Variants in ZNF605 observed in about 807,000 individuals in gnomAD.
ZNF605 encodes zinc finger protein 605.
A neutral mutation model predicts 7.9 loss-of-function variants in ZNF605; 9 were observed. That is an observed-to-expected ratio of 1.14 (90% CI 0.68 to 1.98). ZNF605 has a LOEUF of 1.98. Among genes scored for constraint, ZNF605 ranks in the 30% most tolerant of loss-of-function variants. The pLI, the probability that ZNF605 is intolerant of heterozygous loss-of-function variation, is 0.00. For synonymous variants in ZNF605, 255 were observed against 260.1 expected (o/e 0.98, Z 0.19); for missense variants, 673 against 762.4 (o/e 0.88, Z 1.38).
intron 1 of ZNF605, among the ~76,000 whole-genome samples, chr12:132,955,356 T>G (rs910827154): frequency 5.8e-4 from 88 of 152,250 alleles, no homozygotes; most frequent in African/African-American, 2.0e-3. Flanking sequence ...TGGCTCAGGC[T>G]GGGGATGGGC....
intron 1 of ZNF605, among the ~76,000 whole-genome samples, chr12:132,950,196 G>A (rs61951593): frequency 0.15 from 22,636 of 151,998 alleles, 2,159 homozygotes; most frequent in South Asian, 0.25. Flanking sequence ...CCCTTTTTGA[G>A]TGAATGCAGA....
In ZNF605 at chr12:132,945,803, G is replaced by T; in HGVS notation, c.-162-6C>A. ...TTGTTCCAGAGGGCTATTGCCTGTG[G>T]ATGCAGTGGACATTTTATTTTAGAT... On this transcript the variant is annotated splice_polypyrimidine_tract_variant and splice_region_variant and intron_variant, in intron 2 of 4. Coordinates refer to ENST00000360187, the MANE Select transcript of ZNF605 (RefSeq NM_183238.4). 1.1e-6 allele frequency: 1 copy of T among 897,694 alleles called. No homozygotes were observed. The highest frequency in any genetic ancestry group is 1.8e-6 in the Non-Finnish European group (1 of 553,896). The allele number at this position is 897,694 out of a possible 1,614,324, so 55.6% of individuals were successfully genotyped here. A position where few individuals can be genotyped will look rare whatever the true frequency, so the allele number is the denominator to read the frequency against.
At chr12:132,956,007 C>CACCCT (rs1952633003) in intron 1 of ZNF605, among the ~76,000 whole-genome samples, 2 of 150,702 alleles carry the variant, frequency 1.3e-5, no homozygotes, top group South Asian at 4.2e-4. Context: ...GCCCCCACCC[C>CACCCT]ACCCTCTGCC....
In ZNF605 at chr12:132,950,559, G is replaced by A. The variant is rs1436325868; in HGVS notation, c.-285-2289C>T. ...CACACTCAGACACACTAATACACCC[G>A]TACATCACACACAGACGTGCACACA... On this transcript the variant is annotated intron_variant, in intron 1 of 4. Coordinates refer to ENST00000360187, the MANE Select transcript of ZNF605 (RefSeq NM_183238.4). Among the ~76,000 whole-genome samples, 4 of 149,600 alleles carry A rather than the reference G, an allele frequency of 2.7e-5. No individual in the cohort carries two copies. In the South Asian group the frequency reaches 8.5e-4, roughly 32 times the overall value.
intron 1 of ZNF605, among the ~76,000 whole-genome samples, chr12:132,951,514 C>T (rs1054262725): frequency 5.3e-5 from 8 of 151,842 alleles, no homozygotes; most frequent in African/African-American, 1.9e-4. Flanking sequence ...CACGTACACA[C>T]ACACTGATGT....
rs1952251877 is a variant in ZNF605 at position 132,926,755 on chromosome 12, ACTT to A, written c.541_543del (p.Lys181del). 3 of 1,613,712 alleles carry A rather than the reference ACTT, an allele frequency of 1.9e-6. No homozygotes were observed. Among genetic ancestry groups the A allele is most frequent in the African/African-American group, 2.7e-5 (2 of 74,926 alleles). On this transcript the variant is annotated inframe_deletion, in exon 5 of 5. Coordinates refer to ENST00000360187, the MANE Select transcript of ZNF605 (RefSeq NM_183238.4). Reference sequence around the variant, plus strand: ...GTTCTCTGGTGTATAACAAGTTGTGACTTCTTGTTAAAAAATCTGCCACATTCC... The same window carrying A: ...GTTCTCTGGTGTATAACAAGTTGTGACTTGTTAAAAAATCTGCCACATTCC...
At chr12:132,940,227 A>G (rs904451862) in intron 3 of ZNF605, among the ~76,000 whole-genome samples, 17 of 152,308 alleles carry the variant, frequency 1.1e-4, no homozygotes, top group Admixed American at 5.9e-4. Flanking sequence ...GGCCAGGGAT[A>G]AGGGATGCAC....
chr12:132,938,763 G>C (rs557506407), intron 3 of ZNF605, among the ~76,000 whole-genome samples: 1 of 152,242 alleles, frequency 6.6e-6, no homozygotes, highest in Admixed American at 6.5e-5. Context: ...GGAGAGGCAC[G>C]AGCGGGAACC....
chr12:132,926,003 C>T lies in ZNF605; in HGVS notation c.1296G>A (p.Gly432=), dbSNP rs1403752790. The part of the protein sequence containing the change: ...GCIQCGKTFF[G]KSQLLTHHRT... Reference sequence around the variant, plus strand: ...TGTGATGCGTTAGGAGCTGGGACTTCCCAAAGAAGGTTTTCCCACATTGAA... The same window carrying T: ...TGTGATGCGTTAGGAGCTGGGACTTTCCAAAGAAGGTTTTCCCACATTGAA... The change falls in exon 5 of 5, where the codon GGG becomes GGA. Residue 432 remains glycine, a synonymous_variant. Transcript: ENST00000360187. 1.4e-5 allele frequency: 22 copies of T among 1,614,056 alleles called. 1 individual carries two copies. The highest frequency in any genetic ancestry group is 1.7e-5 in the Non-Finnish European group (20 of 1,180,038).
In ZNF605 at chr12:132,922,930, G is replaced by A. The variant is rs1209621062; in HGVS notation, c.*2443C>T. ...ACCTATGAAGAAACCCCAGTCTCTA[G>A]AAGACAGCCTCAGGGGGGAGCAGAG... On this transcript the variant is annotated 3_prime_UTR_variant, in exon 5 of 5. Transcript: ENST00000360187. 1 of 152,298 alleles carries A rather than the reference G, an allele frequency of 6.6e-6. No homozygotes were observed. The highest frequency in any genetic ancestry group is 1.5e-5 in the Non-Finnish European group (1 of 68,140). 9.4% of individuals were successfully genotyped at this position (152,298 alleles called of 1,614,324 possible).
intron 3 of ZNF605, among the ~76,000 whole-genome samples, chr12:132,943,853 G>C (rs550841988): frequency 0.027 from 4,076 of 152,246 alleles, 84 homozygotes; most frequent in Non-Finnish European, 0.045. Context: ...GGGAAAATGA[G>C]GCTGGAGCTT....
intron 3 of ZNF605, among the ~76,000 whole-genome samples, chr12:132,934,725 T>A (rs1214457984): frequency 2.3e-5 from 3 of 128,500 alleles, no homozygotes; most frequent in Admixed American, 7.8e-5. Flanking sequence ...AAAAAAAAGA[T>A]TCCAGGAACC....
Position 132,927,002 on chromosome 12 carries a change from T to G in ZNF605, c.297A>C (p.Glu99Asp). The change falls in exon 5 of 5, where the codon GAA becomes GAC. Residue 99 changes from glutamate to aspartate, a missense_variant. Transcript: ENST00000360187. Reference sequence around the variant, plus strand: ...AATCAAAAGGACATTTCAAACTTTTTTCTCCTGTGCCACATTTATGGGATC... The same window carrying G: ...AATCAAAAGGACATTTCAAACTTTTGTCTCCTGTGCCACATTTATGGGATC... ...GLRSHKCGTG[E>D]KSLKCPFDLL... 7.4e-6 allele frequency: 12 copies of G among 1,611,734 alleles called. No homozygotes were observed. Among genetic ancestry groups the G allele is most frequent in the Middle Eastern group, 1.7e-4 (1 of 6,056 alleles).
intron 4 of ZNF605, chr12:132,932,811 G>A (rs942140917): frequency 3.1e-5 from 48 of 1,533,006 alleles, no homozygotes; most frequent in Middle Eastern, 3.3e-4. Context: ...AAAACCTGTC[G>A]ATTGGAAACA....
At chr12:132,950,897 C>T (rs1040664406) in intron 1 of ZNF605, among the ~76,000 whole-genome samples, 65 of 151,908 alleles carry the variant, frequency 4.3e-4, no homozygotes, top group Admixed American at 5.9e-4. Context: ...TACTCACAGA[C>T]GCACACACAT....
Position 132,926,539 on chromosome 12 carries a change from C to T in ZNF605, c.760G>A (p.Gly254Arg). 6.2e-7 allele frequency: 1 copy of T among 1,614,162 alleles called. No homozygotes were observed. The highest frequency in any genetic ancestry group is 1.3e-5 in the African/African-American group (1 of 75,038). ...QRIHTGEKPYGCSECGKAFSR... is the reference protein window; with the variant it reads ...QRIHTGEKPYRCSECGKAFSR... ...AAGGCTTTTCCACATTCACTGCATCCATACGGCTTCTCTCCAGTATGAATT... is the reference window on the plus strand; with the variant it reads ...AAGGCTTTTCCACATTCACTGCATCTATACGGCTTCTCTCCAGTATGAATT... The change falls in exon 5 of 5, where the codon GGA becomes AGA. Residue 254 changes from glycine (G) to arginine (R), a missense_variant. Gly to Arg is a moderately radical substitution (Grantham distance 125). Transcript: ENST00000360187.
chr12:132,936,184 C>A (rs764958729), intron 3 of ZNF605, among the ~76,000 whole-genome samples: 1 of 149,832 alleles, frequency 6.7e-6, no homozygotes, highest in Non-Finnish European at 1.5e-5. Flanking sequence ...AATGAAAGTA[C>A]GAAAAATAAT....
intron 3 of ZNF605, among the ~76,000 whole-genome samples, chr12:132,934,426 C>T (rs1308913971): frequency 2.0e-5 from 3 of 151,898 alleles, no homozygotes; most frequent in African/African-American, 7.3e-5. Context: ...CAGGAACCAT[C>T]TGGGTGTGGT....
At chr12:132,942,143 T>C (rs1336033286) in intron 3 of ZNF605, among the ~76,000 whole-genome samples, 1 of 152,180 alleles carries the variant, frequency 6.6e-6, no homozygotes, top group African/African-American at 2.4e-5. Context: ...TTTTGATTAC[T>C]ACATGGGACA....
Sources: allele counts gnomAD v4.1 joint callset (sites outside exome capture counted in the v4.1 genomes callset), GRCh38; gene constraint gnomAD v4.1.1; transcripts MANE v1.5; gene names NCBI Gene and HGNC (gene_info 2026-07-23, HGNC 2026-07-21).